Variants in ANLN observed in about 807,000 individuals in gnomAD.
ANLN encodes the protein anillin.
ANLN carries 59 observed loss-of-function variants against 135.1 expected under a neutral mutation model. The ratio of observed to expected loss-of-function variants is 0.44; its 90% CI spans 0.35 to 0.54. The LOEUF is 0.54. Ranked by LOEUF, ANLN falls within the 20% of genes least tolerant of loss-of-function variation. The pLI is 0.00. For synonymous variants in ANLN, 406 were observed against 456.4 expected, an observed-to-expected ratio of 0.89 and a Z score of 1.41; for missense variants, 1,182 against 1,340.0, an observed-to-expected ratio of 0.88 and a Z score of 1.84.
intron 2 of ANLN, among the ~76,000 whole-genome samples, 199 bp downstream of exon 2, chr7:36,396,618 C>T (rs1477434988): frequency 6.6e-6 from 1 of 152,062 alleles, no homozygotes; most frequent in African/African-American, 2.4e-5. Flanking sequence ...GGAACGGTTT[C>T]TTCTAAAAAA....
At chr7:36,445,161 CTTTTTTTTT>C (rs70977145) in intron 22 of ANLN, among the ~76,000 whole-genome samples, 10 of 57,786 alleles carry the variant, frequency 1.7e-4, no homozygotes, top group Admixed American at 5.0e-4. Context: ...ATTTGGGATT[CTTTTTTTTT>C]TTTTTTTTTT....
chr7:36,435,480 C>A (rs536997858), intron 20 of ANLN, among the ~76,000 whole-genome samples: 13 of 152,080 alleles, frequency 8.5e-5, no homozygotes, highest in African/African-American at 3.1e-4. Context: ...AGGGATTACA[C>A]ATGTGAGCCG....
At position 36,452,681 on chromosome 7, in the gene ANLN, C is replaced by T. The variant is rs1417105668; in HGVS notation, c.*81C>T. The T allele has an allele frequency of 3.3e-6, 5 of 1,524,102 alleles. No homozygotes were observed. In the East Asian group the frequency reaches 1.1e-4, roughly 35 times the overall value. 94.4% of individuals were successfully genotyped at this position (1,524,102 alleles called of 1,614,324 possible). ...TTAAGAGCATCAGATTTACTGATTG[C>T]ATTTTATGCTTTAAGTACGAAAGGG... On this transcript the variant is annotated 3_prime_UTR_variant, in exon 24 of 24. Coordinates refer to ENST00000265748, the MANE Select transcript of ANLN (RefSeq NM_018685.5).
At position 36,452,567 on chromosome 7, in the gene ANLN, T is replaced by C; in HGVS notation, c.3342T>C (p.Pro1114=). The C allele has an allele frequency of 1.2e-6, 2 of 1,614,086 alleles. No homozygotes were observed. Among genetic ancestry groups the C allele is most frequent in the African/African-American group, 1.3e-5 (1 of 75,056 alleles). Residue 1114 remains proline, a synonymous_variant, in exon 24 of 24, where the codon CCT becomes CCC. Transcript: ENST00000265748. Reference sequence around the variant, plus strand: ...TTGTTGATATTCGCCTCTGGCAACCTGATGCTTGCTACAAACCTATTGGAA... The same window carrying C: ...TTGTTGATATTCGCCTCTGGCAACCCGATGCTTGCTACAAACCTATTGGAA... ...QVLVDIRLWQ[P]DACYKPIGKP
chr7:36,443,617 CATG>C (rs1282229698), intron 21 of ANLN, 135 bp from the exon 22 acceptor site: 5 of 575,234 alleles, frequency 8.7e-6, no homozygotes, highest in African/African-American at 1.9e-5. Flanking sequence ...AGATAAAAGA[CATG>C]ATAAAAAAAC....
rs79624523 is a variant in ANLN at position 36,421,833 on chromosome 7, T to C, written c.2164-24T>C. 140,826 of 1,572,334 alleles carry C rather than the reference T, an allele frequency of 0.09. 7,125 individuals are homozygous for C. Among genetic ancestry groups the C allele is most frequent in the Non-Finnish European group, 0.1 (119,496 of 1,159,482 alleles). On this transcript the variant is annotated intron_variant, in intron 12 of 23. Transcript: ENST00000265748. Reference sequence around the variant, plus strand: ...TGATGATTTAAAATGTGTATATTTTTTCTCCTCTCATTGGTTTTCCTAGGA... The same window carrying C: ...TGATGATTTAAAATGTGTATATTTTCTCTCCTCTCATTGGTTTTCCTAGGA...
At chr7:36,396,130 T>C in intron 1 of ANLN, 136 bp from the exon 2 acceptor site, 1 of 593,774 alleles carries the variant, frequency 1.7e-6, no homozygotes, top group Non-Finnish European at 2.6e-6. Context: ...AATCTTGACA[T>C]AATTGCTTAG....
chr7:36,442,789 G>A (rs1024358933), intron 21 of ANLN, among the ~76,000 whole-genome samples: 15 of 151,712 alleles, frequency 9.9e-5, no homozygotes, highest in African/African-American at 3.4e-4. Flanking sequence ...TCACCGCCAC[G>A]CCTGGCTAAT....
intron 20 of ANLN, among the ~76,000 whole-genome samples, chr7:36,437,434 T>C (rs745701905): frequency 5.3e-5 from 8 of 152,260 alleles, no homozygotes; most frequent in Non-Finnish European, 1.2e-4. Context: ...TCTTCATTTA[T>C]TGATGGGCAC....
At chr7:36,394,051 G>A (rs1786591065) in intron 1 of ANLN, among the ~76,000 whole-genome samples, 1 of 152,116 alleles carries the variant, frequency 6.6e-6, no homozygotes, top group Non-Finnish European at 1.5e-5. Flanking sequence ...GAACTCCTGG[G>A]CTGAAGTAAT....
intron 3 of ANLN, among the ~76,000 whole-genome samples, chr7:36,402,604 G>T (rs10235888): frequency 5.3e-5 from 8 of 151,888 alleles, no homozygotes; most frequent in African/African-American, 1.9e-4. Flanking sequence ...TTTTTCAAAC[G>T]TATCTCTCTA....
At chr7:36,446,482 A>C (rs1789002421) in intron 22 of ANLN, among the ~76,000 whole-genome samples, 1 of 152,294 alleles carries the variant, frequency 6.6e-6, no homozygotes, top group Non-Finnish European at 1.5e-5. Flanking sequence ...GCATCTGCTT[A>C]GCTTCTGGGG....
chr7:36,442,776 T>C (rs999964695), intron 21 of ANLN, among the ~76,000 whole-genome samples: 5 of 152,062 alleles, frequency 3.3e-5, no homozygotes, highest in Admixed American at 2.0e-4. Flanking sequence ...AGACTACAGA[T>C]GCTCACCGCC....
At chr7:36,440,077 G>A (rs942868746) in intron 21 of ANLN, among the ~76,000 whole-genome samples, 2 of 152,164 alleles carry the variant, frequency 1.3e-5, no homozygotes, top group Non-Finnish European at 2.9e-5. Context: ...TAAGTTTTAC[G>A]TGATTTGAAT....
At chr7:36,436,040 A>G (rs886875249) in intron 20 of ANLN, among the ~76,000 whole-genome samples, 11 of 152,098 alleles carry the variant, frequency 7.2e-5, no homozygotes, top group Admixed American at 1.3e-4. Context: ...AATGTTGTTC[A>G]AAATACCTCT....
rs1184945068 is a variant in ANLN at position 36,431,588 on chromosome 7, TGTGTGTGTGTATATATATATATATATATA to T, written c.2883+4561_2883+4589del. Among the ~76,000 whole-genome samples, 6 of 23,532 alleles carry T rather than the reference TGTGTGTGTGTATATATATATATATATATA, an allele frequency of 2.5e-4. No individual in the cohort carries two copies. The East Asian group carries it at 0.025, about 100-fold the overall frequency. 15.4% of individuals were successfully genotyped at this position (23,532 alleles called of 152,430 possible). ...GTGTGTGTGTGTGTGTGTGTGTGTG[TGTGTGTGTGTATATATATATATATATATA>T]ATATATATATATATATTACCATTTT... On this transcript the variant is annotated intron_variant, in intron 20 of 23. Transcript: ENST00000265748.
intron 21 of ANLN, among the ~76,000 whole-genome samples, chr7:36,442,051 C>T (rs6966174): frequency 0.23 from 35,392 of 151,996 alleles, 4,259 homozygotes; most frequent in East Asian, 0.41. Flanking sequence ...TGCTCCCACA[C>T]GTCATGGCCA....
Position 36,399,238 on chromosome 7 carries a change from A to T in ANLN, c.332A>T (p.Asp111Val). The T allele has an allele frequency of 6.2e-7, 1 of 1,614,182 alleles. No individual in the cohort carries two copies. Among genetic ancestry groups the T allele is most frequent in the East Asian group, 2.2e-5 (1 of 44,880 alleles). ...CCTCAGGTGCAGCCACAAGCAGCAG[A>T]TACCATCAGTGATTCTGTTGCTGTC... ...VSPQVQPQAA[D>V]TISDSVAVPA... is the part of the protein sequence containing the mutation. Residue 111 changes from aspartate (D) to valine (V), a missense_variant, in exon 3 of 24, where the codon GAT (aspartate) becomes GTT (valine). Around this residue, in one of 3 missense-constraint regions of ANLN, gnomAD observed 1,022 missense variants for 1,134.0 expected, o/e 0.90. Transcript: ENST00000265748.
In ANLN at chr7:36,452,665, T is replaced by C. The variant is rs1583669870; in HGVS notation, c.*65T>C. ...ATCTTAAGAAACACACTTAAGAGCA[T>C]CAGATTTACTGATTGCATTTTATGC... On this transcript the variant is annotated 3_prime_UTR_variant, in exon 24 of 24. Transcript: ENST00000265748. The C allele has an allele frequency of 2.5e-6, 4 of 1,577,084 alleles. No homozygotes were observed. The highest frequency in any genetic ancestry group is 3.5e-6 in the Non-Finnish European group (4 of 1,154,178).
Sources: gnomAD v4.1 joint callset for allele counts (sites outside exome capture counted in the v4.1 genomes callset) on GRCh38, gnomAD v4.1.1 for gene constraint, gnomAD v4.1.1 regional missense constraint, MANE v1.5 for transcripts, NCBI Gene and HGNC (gene_info 2026-07-23, HGNC 2026-07-21) for gene names.